The following WLS variants were observed in gnomAD, a reference collection of about 807,000 sequenced individuals.
WLS encodes the protein protein wntless homolog.
A neutral mutation model predicts 62.8 loss-of-function variants in WLS; 23 were observed. The ratio of observed to expected loss-of-function variants is 0.37; its 90% CI spans 0.26 to 0.52. The LOEUF is 0.52. Among genes scored for constraint, WLS ranks in the 20% least tolerant of loss-of-function variants. The pLI is 0.92. For synonymous variants in WLS, 246 were observed against 244.1 expected, an observed-to-expected ratio of 1.01 and a Z score of -0.07; for missense variants, 615 against 697.3, an observed-to-expected ratio of 0.88 and a Z score of 1.33.
intron 1 of WLS, among the ~76,000 whole-genome samples, chr1:68,225,325 G>A (rs954579517): frequency 3.9e-4 from 60 of 152,128 alleles, no homozygotes; most frequent in African/African-American, 1.4e-3. Flanking sequence ...TAAAGTTTGA[G>A]ATCATTAAGT....
At chr1:68,146,122 T>A in intron 8 of WLS, 110 bp from the exon 9 acceptor site, 1 of 1,277,416 alleles carries the variant, frequency 7.8e-7, no homozygotes, top group Non-Finnish European at 1.1e-6. Flanking sequence ...TCCAAATATG[T>A]AGAAAATTTT....
intron 11 of WLS, among the ~76,000 whole-genome samples, chr1:68,119,506 C>T (rs1335980054): frequency 6.6e-6 from 1 of 152,228 alleles, no homozygotes; most frequent in Non-Finnish European, 1.5e-5. Flanking sequence ...TAGCTAAGAG[C>T]CTGGCGGTGG....
At chr1:68,194,367 T>C (rs549110352) in intron 1 of WLS, 140 bp from the exon 2 acceptor site, 629 of 1,125,398 alleles carry the variant, frequency 5.6e-4, no homozygotes, top group Middle Eastern at 3.4e-3. Flanking sequence ...CTTAGGGATC[T>C]TCCAAATCTG....
intron 2 of WLS, among the ~76,000 whole-genome samples, chr1:68,174,123 T>C (rs1329890779): frequency 1.3e-5 from 2 of 152,180 alleles, no homozygotes; most frequent in African/African-American, 4.8e-5. Context: ...GAATAATGCC[T>C]GTGGACGGGT....
intron 1 of WLS, among the ~76,000 whole-genome samples, chr1:68,224,215 G>A (rs1650047188): frequency 6.6e-6 from 1 of 152,152 alleles, no homozygotes; most frequent in South Asian, 2.1e-4. Flanking sequence ...GAAAGGGGGA[G>A]CAGAAAATTA....
At chr1:68,197,239 A>G (rs1648716021) in intron 1 of WLS, among the ~76,000 whole-genome samples, 1 of 152,150 alleles carries the variant, frequency 6.6e-6, no homozygotes, top group Non-Finnish European at 1.5e-5. Flanking sequence ...CCGCATTTTT[A>G]ATGAATGCAG....
chr1:68,150,456 A>C, intron 5 of WLS, 100 bp from the exon 6 acceptor site: 6 of 1,487,396 alleles, frequency 4.0e-6, no homozygotes, highest in Middle Eastern at 1.8e-4. Flanking sequence ...GATGTTACTT[A>C]TTGGGTCTGA....
At chr1:68,184,809 A>T (rs2100577727) in intron 2 of WLS, among the ~76,000 whole-genome samples, 1 of 151,982 alleles carries the variant, frequency 6.6e-6, no homozygotes, top group South Asian at 2.1e-4. Flanking sequence ...AAGGTCAATG[A>T]CTCCTGTTCC....
intron 1 of WLS, among the ~76,000 whole-genome samples, chr1:68,196,470 T>C (rs1316416828): frequency 6.6e-6 from 1 of 152,066 alleles, no homozygotes; most frequent in African/African-American, 2.4e-5. Context: ...TCTTATTTAA[T>C]AGAGATCAGA....
At chr1:68,115,344 C>T (rs1433354932) in intron 11 of WLS, among the ~76,000 whole-genome samples, 3 of 152,232 alleles carry the variant, frequency 2.0e-5, no homozygotes, top group African/African-American at 4.8e-5. Context: ...GTCAGACAAA[C>T]CCAAGGATAA....
chr1:68,114,852 C>A (rs1171611429), intron 11 of WLS, among the ~76,000 whole-genome samples: 2 of 152,222 alleles, frequency 1.3e-5, no homozygotes, highest in Non-Finnish European at 2.9e-5. Flanking sequence ...TCTGGGGGTG[C>A]CACTTAGGTG....
intron 11 of WLS, among the ~76,000 whole-genome samples, chr1:68,106,991 TTTTAAA>T (rs959302216): frequency 3.3e-5 from 5 of 152,214 alleles, no homozygotes; most frequent in Admixed American, 6.5e-5. Flanking sequence ...TGTTTTCTGC[TTTTAAA>T]TTTAAAAGCT....
intron 11 of WLS, among the ~76,000 whole-genome samples, chr1:68,109,642 GA>G (rs1646194911): frequency 6.6e-6 from 1 of 152,110 alleles, no homozygotes; most frequent in South Asian, 2.1e-4. Context: ...AAGAATTAGT[GA>G]AGTGGAAAAT....
chr1:68,193,058 G>A (rs1216047916), intron 2 of WLS, among the ~76,000 whole-genome samples: 3 of 150,338 alleles, frequency 2.0e-5, no homozygotes, highest in East Asian at 4.0e-4. Context: ...GCAGTAAGCC[G>A]AGATTGAGCC....
chr1:68,216,992 T>TA lies in WLS; in HGVS notation c.106+15201dup, dbSNP rs1425868230. Among the ~76,000 whole-genome samples, 11 of 152,300 alleles carry TA rather than the reference T, an allele frequency of 7.2e-5. No homozygotes were observed. In the South Asian group the frequency reaches 2.1e-3, roughly 29 times the overall value. ...CTTTTCTTCTACAGTCTCCTCATTT[T>TA]AAAAAATGGCAAAAAATTTCAATAA... On this transcript the variant is annotated intron_variant, in intron 1 of 11. Transcript: ENST00000262348.
intron 11 of WLS, among the ~76,000 whole-genome samples, chr1:68,134,427 C>T (rs538029278): frequency 1.1e-4 from 16 of 152,138 alleles, no homozygotes; most frequent in Non-Finnish European, 1.9e-4. Flanking sequence ...GATCATGTTA[C>T]CAAAGGAGAA....
chr1:68,212,727 C>A (rs1649565068), intron 1 of WLS, among the ~76,000 whole-genome samples: 1 of 152,086 alleles, frequency 6.6e-6, no homozygotes, highest in African/African-American at 2.4e-5. Flanking sequence ...TTGGTATAAT[C>A]CAAAAGATAA....
intron 11 of WLS, among the ~76,000 whole-genome samples, chr1:68,113,032 TAAAG>T (rs1646248062): frequency 2.0e-5 from 3 of 152,274 alleles, no homozygotes; most frequent in East Asian, 3.9e-4. Context: ...GGCCCCATCT[TAAAG>T]AAAGCCCTTC....
intron 2 of WLS, among the ~76,000 whole-genome samples, chr1:68,185,834 T>C (rs546226201): frequency 2.0e-5 from 3 of 152,338 alleles, no homozygotes; most frequent in East Asian, 1.9e-4. Flanking sequence ...CCAGTCCTTT[T>C]GAGTTTTTAT....
Sources: allele counts gnomAD v4.1 joint callset (sites outside exome capture counted in the v4.1 genomes callset), GRCh38; gene constraint gnomAD v4.1.1; transcripts MANE v1.5; gene names NCBI Gene and HGNC (gene_info 2026-07-23, HGNC 2026-07-21).